The following ISG20L2 variants were observed in gnomAD, a reference collection of about 807,000 sequenced individuals.
ISG20L2 encodes interferon stimulated exonuclease gene 20 like 2.
In ISG20L2, 14 loss-of-function variants were observed where a neutral mutation model predicts 27.8. That is an observed-to-expected ratio of 0.50 (90% CI 0.33 to 0.79). The LOEUF (loss-of-function observed/expected upper bound fraction) is 0.79, where lower values mean the gene tolerates loss of function less well. Among genes scored for constraint, ISG20L2 ranks in the 30% least tolerant of loss-of-function variants. ISG20L2 has a pLI of 0.02. For synonymous variants in ISG20L2, 157 were observed against 165.7 expected, an observed-to-expected ratio of 0.95 and a Z score of 0.40; for missense variants, 393 against 435.1, an observed-to-expected ratio of 0.90 and a Z score of 0.86.
chr1:156,727,586 C>A lies in ISG20L2; in HGVS notation c.67G>T (p.Ala23Ser), dbSNP rs759967509. Residue 23 changes from alanine (A) to serine (S), a missense_variant, in exon 2 of 4, where the codon GCC becomes TCC. Coordinates refer to ENST00000368219, the MANE Select transcript of ISG20L2 (RefSeq NM_001370150.2). ...TTCTTGACAAAATTTCGGTGCTTGG[C>A]ATTTCCTTCTAATGCCTTTTTGGGA... Reference protein sequence around the residue: ...PPPKKALEGNAKHRNFVKKRR... With the variant: ...PPPKKALEGNSKHRNFVKKRR... 3 of 1,614,166 alleles carry A rather than the reference C, an allele frequency of 1.9e-6. No individual in the cohort carries two copies. Among genetic ancestry groups the A allele is most frequent in the Admixed American group, 3.3e-5 (2 of 60,024 alleles).
At position 156,724,174 on chromosome 1, in the gene ISG20L2, T is replaced by C. The variant is rs1648653438; in HGVS notation, c.922A>G (p.Lys308Glu). Residue 308 changes from lysine to glutamate, a missense_variant, in exon 3 of 4, where the codon AAG (lysine) becomes GAG (glutamate). Lys to Glu is a moderately conservative substitution (Grantham distance 56). Transcript: ENST00000368219. ...TGGATATCCCGGTTTAGCAGCTTCT[T>C]GGTGAGATGCTTCAGAGACATGGTG... is the stretch of plus-strand genomic sequence containing the variant. ...NATMSLKHLT[K>E]KLLNRDIQVG... The C allele has an allele frequency of 6.2e-7, 1 of 1,611,866 alleles. No individual in the cohort carries two copies. Among genetic ancestry groups the C allele is most frequent in the Non-Finnish European group, 8.5e-7 (1 of 1,179,098 alleles).
rs1648611722 is a variant in ISG20L2, at chr1:156,723,267, G to A, written c.*82C>T. The A allele has an allele frequency of 1.3e-6, 2 of 1,524,922 alleles. No individual in the cohort carries two copies. The highest frequency in any genetic ancestry group is 2.7e-5 in the African/African-American group (2 of 73,174). 94.5% of individuals were successfully genotyped at this position (1,524,922 alleles called of 1,614,324 possible). A position where few individuals can be genotyped will look rare whatever the true frequency, so the allele number is the denominator to read the frequency against. On this transcript the variant is annotated 3_prime_UTR_variant, in exon 4 of 4. Transcript: ENST00000368219. ...TCTAGCTTCCAAAGATGTGGAGCTG[G>A]TGGAGCTGTCCATTGGTCCACTGCC...
At chr1:156,727,802 C>T (rs1006250908) in intron 1 of ISG20L2, 33 bp from the exon 2 acceptor site, 7 of 1,462,928 alleles carry the variant, frequency 4.8e-6, no homozygotes, top group Non-Finnish European at 6.3e-6. Context: ...TAATTGAGCT[C>T]CTAGGCCTGG....
intron 2 of ISG20L2, 74 bp from the exon 3 acceptor site, chr1:156,724,422 T>C (rs899856097): frequency 1.4e-6 from 2 of 1,436,368 alleles, no homozygotes; most frequent in Non-Finnish European, 1.9e-6. Context: ...AAGCCCAACA[T>C]GACCATCAAT....
intron 1 of ISG20L2, 81 bp from the exon 2 acceptor site, chr1:156,727,850 T>C (rs1052231685): frequency 1.5e-5 from 21 of 1,386,426 alleles, no homozygotes; most frequent in East Asian, 5.2e-5. Flanking sequence ...GTAGGACTTA[T>C]GGAAGGAAAG....
chr1:156,728,510 A>T lies in ISG20L2; in HGVS notation c.-213T>A. 1.0e-6 allele frequency: 1 copy of T among 985,590 alleles called. No individual in the cohort carries two copies. The highest frequency in any genetic ancestry group is 1.2e-6 in the Non-Finnish European group (1 of 829,880). 61.1% of individuals were successfully genotyped at this position (985,590 alleles called of 1,614,324 possible). A position where few individuals can be genotyped will look rare whatever the true frequency, so the allele number is the denominator to read the frequency against. On this transcript the variant is annotated 5_prime_UTR_variant, in exon 1 of 4. Coordinates refer to ENST00000368219, the MANE Select transcript of ISG20L2 (RefSeq NM_001370150.2). ...GCCCGGGAAGGCAGGCGCGCGGGTT[A>T]GAACGCGCCAGAGGTCGGCGCGCGC...
At chr1:156,726,309 T>C in intron 2 of ISG20L2, 2 of 985,464 alleles carry the variant, frequency 2.0e-6, no homozygotes, top group Non-Finnish European at 2.4e-6. Context: ...TTTTTCCAAA[T>C]CAAGCCCTTT....
rs61742814 is a variant in ISG20L2, at chr1:156,727,455, C to T, written c.198G>A (p.Thr66=). The T allele has an allele frequency of 8.1e-5, 130 of 1,613,930 alleles. 1 individual carries two copies. Among genetic ancestry groups the T allele is most frequent in the South Asian group, 8.0e-4 (73 of 91,084 alleles). ...SEPSKKGETP[T]VDGTWKTPSF... is the part of the protein sequence containing the mutation. ...AAGGGGTCTTCCAAGTGCCATCGAC[C>T]GTAGGAGTTTCCCCTTTCTTTGAAG... Residue 66 remains threonine, a synonymous_variant, in exon 2 of 4, where the codon ACG becomes ACA. Coordinates refer to ENST00000368219, the MANE Select transcript of ISG20L2 (RefSeq NM_001370150.2).
In ISG20L2 at chr1:156,727,120, T is replaced by A; in HGVS notation, c.533A>T (p.Lys178Met). Residue 178 changes from lysine (K) to methionine (M), a missense_variant, in exon 2 of 4, where the codon AAG (lysine) becomes ATG (methionine). Transcript: ENST00000368219. ...CSGASQKLPR[K>M]MVAIDCEMVG... ...CATCTCACAGTCAATTGCCACCATCTTCCGTGGCAACTTCTGGGATGCTCC... is the reference window on the plus strand; with the variant it reads ...CATCTCACAGTCAATTGCCACCATCATCCGTGGCAACTTCTGGGATGCTCC... 6.2e-7 allele frequency: 1 copy of A among 1,614,178 alleles called. No individual in the cohort carries two copies. The highest frequency in any genetic ancestry group is 1.1e-5 in the South Asian group (1 of 91,090).
intron 2 of ISG20L2, chr1:156,724,791 A>C: frequency 2.1e-6 from 1 of 477,190 alleles, no homozygotes; most frequent in Non-Finnish European, 2.7e-6. Flanking sequence ...TTAGATGTGT[A>C]TGGGTACTAG....
Position 156,726,225 on chromosome 1 carries a change from T to C in ISG20L2, c.747+681A>G. 1.4e-5 allele frequency: 14 copies of C among 985,412 alleles called. No homozygotes were observed. In the South Asian group the frequency reaches 5.6e-4, roughly 40 times the overall value. 61.0% of individuals were successfully genotyped at this position (985,412 alleles called of 1,614,324 possible). ...TCTTACCACCACCACTTTCCGCACTTGCCCCAGGCTACTTTTTGCTTGGGA... is the reference window on the plus strand; with the variant it reads ...TCTTACCACCACCACTTTCCGCACTCGCCCCAGGCTACTTTTTGCTTGGGA... On this transcript the variant is annotated intron_variant, in intron 2 of 3. Coordinates refer to ENST00000368219, the MANE Select transcript of ISG20L2 (RefSeq NM_001370150.2).
intron 2 of ISG20L2, chr1:156,725,866 C>G (rs978605396): frequency 2.0e-6 from 2 of 985,232 alleles, no homozygotes; most frequent in African/African-American, 3.5e-5. Context: ...TCACCTCTAA[C>G]GAACCTCCTC....
At chr1:156,725,894 G>T (rs1648734116) in intron 2 of ISG20L2, 2 of 985,458 alleles carry the variant, frequency 2.0e-6, no homozygotes, top group Non-Finnish European at 2.4e-6. Flanking sequence ...CCGCATATAA[G>T]GCATTATGGG....
At chr1:156,723,996 G>C in intron 3 of ISG20L2, 152 bp downstream of exon 3, 1 of 1,145,238 alleles carries the variant, frequency 8.7e-7, no homozygotes, top group Admixed American at 2.3e-5. Flanking sequence ...TAGACAACAG[G>C]AATTATTATC....
chr1:156,727,180 T>C lies in ISG20L2; in HGVS notation c.473A>G (p.Asn158Ser). 6.2e-7 allele frequency: 1 copy of C among 1,613,744 alleles called. No homozygotes were observed. The highest frequency in any genetic ancestry group is 8.5e-7 in the Non-Finnish European group (1 of 1,179,988). The change falls in exon 2 of 4, where the codon AAC becomes AGC. Residue 158 changes from asparagine (N) to serine (S), a missense_variant. Transcript: ENST00000368219. ...ATTCTCTGAATGAGCTTGGGTGGAG[T>C]TCTGTGGGGCATTCTTCTGAGGATG... ...KNHPQKNAPQ[N>S]STQAHSENKC...
At position 156,721,930 on chromosome 1, in the gene ISG20L2, G is replaced by C. The variant is rs929117828; in HGVS notation, c.*1419C>G. The C allele has an allele frequency of 6.6e-6, 1 of 152,146 alleles. No homozygotes were observed. Among genetic ancestry groups the C allele is most frequent in the Admixed American group, 6.5e-5 (1 of 15,276 alleles). 9.4% of individuals were successfully genotyped at this position (152,146 alleles called of 1,614,324 possible). A position where few individuals can be genotyped will look rare whatever the true frequency, so the allele number is the denominator to read the frequency against. On this transcript the variant is annotated 3_prime_UTR_variant, in exon 4 of 4. Transcript: ENST00000368219. The stretch of plus-strand genomic sequence containing the variant: ...TAAAAATTTATCAAGGGAATAATTT[G>C]AGTTTTTAGAGGCTTGGTTTAGCAA...
At chr1:156,728,249 T>C (rs1406685005) in intron 1 of ISG20L2, 166 bp downstream of exon 1, 19 of 986,028 alleles carry the variant, frequency 1.9e-5, no homozygotes, top group Non-Finnish European at 2.2e-5. Flanking sequence ...CAGGCCGGAA[T>C]TGGGGGCAAT....
chr1:156,723,515 T>G, intron 3 of ISG20L2, 53 bp from the exon 4 acceptor site: 1 of 1,609,458 alleles, frequency 6.2e-7, no homozygotes, highest in South Asian at 1.1e-5. Flanking sequence ...CGTTTCTTCC[T>G]TCCCAGTGTA....
At chr1:156,726,721 T>A (rs1648779036) in intron 2 of ISG20L2, 185 bp downstream of exon 2, 1 of 985,334 alleles carries the variant, frequency 1.0e-6, no homozygotes, top group African/African-American at 1.7e-5. Flanking sequence ...TGACACCAGC[T>A]AATTGTACCT....
Sources: gnomAD v4.1 joint callset for allele counts on GRCh38, gnomAD v4.1.1 for gene constraint, MANE v1.5 for transcripts, NCBI Gene and HGNC (gene_info 2026-07-23, HGNC 2026-07-21) for gene names.